CNST: variants seen among roughly 807,000 people sequenced by gnomAD.
CNST encodes consortin.
In CNST, 39 loss-of-function variants were observed where a neutral mutation model predicts 72.4. The observed-to-expected ratio is 0.54, with a 90% CI of 0.42 to 0.70. The LOEUF (loss-of-function observed/expected upper bound fraction) is 0.70. Ranked by LOEUF, CNST falls within the 30% of genes least tolerant of loss-of-function variation. CNST has a pLI of 0.00. For synonymous variants in CNST, 332 were observed against 320.1 expected, an observed-to-expected ratio of 1.04 and a Z score of -0.40; for missense variants, 871 against 868.5, an observed-to-expected ratio of 1.00 and a Z score of -0.04.
intron 1 of CNST, among the ~76,000 whole-genome samples, chr1:246,582,873 C>T (rs1660889361): frequency 6.6e-6 from 1 of 152,186 alleles, no homozygotes; most frequent in African/African-American, 2.4e-5. Context: ...TCTGCTATAT[C>T]AACATTTCCT....
Position 246,647,300 on chromosome 1 carries a change from G to C in CNST, c.1099G>C (p.Ala367Pro). Residue 367 changes from alanine (A) to proline (P), a missense_variant, in exon 9 of 11, where the codon GCT becomes CCT. Transcript: ENST00000366513. ...CCACATGGAGGAGCTGCTCTGCAGCGCTGAAGCCACGTTAGCGCTCCACAC... is the reference window on the plus strand; with the variant it reads ...CCACATGGAGGAGCTGCTCTGCAGCCCTGAAGCCACGTTAGCGCTCCACAC... The part of the protein sequence containing the change: ...KDHMEELLCS[A>P]EATLALHTQS... 1.2e-6 allele frequency: 2 copies of C among 1,614,126 alleles called. No individual in the cohort carries two copies. Among genetic ancestry groups the C allele is most frequent in the Non-Finnish European group, 1.7e-6 (2 of 1,180,036 alleles).
chr1:246,634,379 T>A, intron 5 of CNST, 94 bp from the exon 6 acceptor site: 2 of 680,922 alleles, frequency 2.9e-6, no homozygotes, highest in Admixed American at 5.9e-5. Context: ...TGCATGCAAA[T>A]CTTTATGAGT....
intron 9 of CNST, among the ~76,000 whole-genome samples, chr1:246,657,287 C>T (rs1019746786): frequency 6.6e-6 from 1 of 152,136 alleles, no homozygotes; most frequent in African/African-American, 2.4e-5. Context: ...TATGCATAAG[C>T]TTGGCCCACC....
chr1:246,605,807 T>G (rs1572162965), intron 2 of CNST: 1 of 116,504 alleles, frequency 8.6e-6, no homozygotes, highest in Admixed American at 8.6e-5. Context: ...CCGGCCGGGG[T>G]GCGTGTCTTC....
chr1:246,566,882 G>T (rs1328315524), intron 1 of CNST: 1 of 382,640 alleles, frequency 2.6e-6, no homozygotes, highest in Admixed American at 4.5e-5. Flanking sequence ...CTATTGCTGC[G>T]CGTCGCGCCA....
intron 9 of CNST, among the ~76,000 whole-genome samples, chr1:246,649,166 T>G (rs543792165): frequency 3.7e-4 from 56 of 151,342 alleles, no homozygotes; most frequent in African/African-American, 1.2e-3. Context: ...GTTTTGTTTT[T>G]TTTTTTTTTT....
At chr1:246,587,887 G>A (rs531448643) in intron 1 of CNST, among the ~76,000 whole-genome samples, 8 of 152,084 alleles carry the variant, frequency 5.3e-5, no homozygotes, top group Admixed American at 2.6e-4. Context: ...GGTTTTTTTC[G>A]GAATATGAGT....
chr1:246,590,560 G>A (rs1368591162), intron 1 of CNST, among the ~76,000 whole-genome samples: 1 of 151,922 alleles, frequency 6.6e-6, no homozygotes, highest in Non-Finnish European at 1.5e-5. Context: ...TACTTTTCAT[G>A]GTTTTAGAGA....
chr1:246,651,841 G>GA (rs995201493), intron 9 of CNST, among the ~76,000 whole-genome samples: 6 of 151,646 alleles, frequency 4.0e-5, no homozygotes, highest in Non-Finnish European at 5.9e-5. Flanking sequence ...AGATTTTTAA[G>GA]AAAAAAAATG....
At chr1:246,645,788 G>A (rs1666028426) in intron 8 of CNST, among the ~76,000 whole-genome samples, 1 of 152,096 alleles carries the variant, frequency 6.6e-6, no homozygotes, top group Admixed American at 6.5e-5. Context: ...GCGAGGATAA[G>A]CAAGCTTCTC....
At chr1:246,656,603 C>T (rs540495068) in intron 9 of CNST, among the ~76,000 whole-genome samples, 43 of 152,174 alleles carry the variant, frequency 2.8e-4, no homozygotes, top group Non-Finnish European at 4.9e-4. Context: ...AAATTCTTCA[C>T]CTTTTAATAC....
intron 1 of CNST, among the ~76,000 whole-genome samples, chr1:246,579,442 G>A (rs1338167357): frequency 6.6e-6 from 1 of 152,218 alleles, no homozygotes; most frequent in Non-Finnish European, 1.5e-5. Context: ...TTAGTGCTAT[G>A]CATCTTGCTA....
intron 10 of CNST, among the ~76,000 whole-genome samples, chr1:246,661,544 A>G (rs1003037526): frequency 1.3e-5 from 2 of 152,166 alleles, no homozygotes; most frequent in Admixed American, 6.5e-5. Flanking sequence ...GTTTTACACC[A>G]TTGCTGCTGT....
intron 1 of CNST, among the ~76,000 whole-genome samples, chr1:246,581,122 TTC>T (rs572354847): frequency 5.3e-4 from 81 of 152,318 alleles, no homozygotes; most frequent in African/African-American, 1.9e-3. Flanking sequence ...AGTAATAATC[TTC>T]TGTCTTTAGT....
In CNST at chr1:246,585,709, A is replaced by T. The variant is rs937945804; in HGVS notation, c.-51-5803A>T. Reference sequence around the variant, plus strand: ...CACACACACACACACACACACACACACACTATATATGTATACAGCATAAGT... The same window carrying T: ...CACACACACACACACACACACACACTCACTATATATGTATACAGCATAAGT... On this transcript the variant is annotated intron_variant, in intron 1 of 10. Transcript: ENST00000366513. 3.4e-4 allele frequency among the ~76,000 whole-genome samples: 36 copies of T among 105,570 alleles called. No individual in the cohort carries two copies. In the East Asian group the frequency reaches 8.2e-3, roughly 24 times the overall value. 69.3% of individuals were successfully genotyped at this position (105,570 alleles called of 152,430 possible).
intron 2 of CNST, among the ~76,000 whole-genome samples, chr1:246,602,471 C>T (rs1391914247): frequency 6.6e-6 from 1 of 152,202 alleles, no homozygotes; most frequent in Non-Finnish European, 1.5e-5. Context: ...AGACCCTCGC[C>T]ACATGGCCCA....
intron 2 of CNST, among the ~76,000 whole-genome samples, chr1:246,597,253 A>C (rs1026265118): frequency 6.6e-6 from 1 of 152,198 alleles, no homozygotes; most frequent in Non-Finnish European, 1.5e-5. Context: ...TGTAATTCGT[A>C]TACCATAAAA....
chr1:246,656,726 G>A (rs545547937), intron 9 of CNST, among the ~76,000 whole-genome samples: 27 of 152,066 alleles, frequency 1.8e-4, no homozygotes, highest in Non-Finnish European at 3.7e-4. Flanking sequence ...CCAGGAGTTC[G>A]AGACCAGCCT....
chr1:246,663,345 AAAAAAAAG>A (rs1667216034), intron 10 of CNST, among the ~76,000 whole-genome samples: 1 of 152,074 alleles, frequency 6.6e-6, no homozygotes, highest in Non-Finnish European at 1.5e-5. Context: ...CTAAAAAAAA[AAAAAAAAG>A]AAAGACAAGA....
Sources: allele counts gnomAD v4.1 joint callset (sites outside exome capture counted in the v4.1 genomes callset), GRCh38; gene constraint gnomAD v4.1.1; transcripts MANE v1.5; gene names NCBI Gene and HGNC (gene_info 2026-07-23, HGNC 2026-07-21).